The following ERC1 variants were observed in gnomAD, a reference collection of about 807,000 sequenced individuals.
ERC1 encodes the protein RAB6 interacting protein 2.
In ERC1, 56 loss-of-function variants were observed where a neutral mutation model predicts 132.0. The observed-to-expected ratio is 0.42, with a 90% confidence interval of 0.34 to 0.53. The LOEUF is 0.53. Among genes scored for constraint, ERC1 ranks in the 20% least tolerant of loss-of-function variants. The pLI is 0.03. For missense variants in ERC1, 1,202 were observed against 1,349.9 expected, an observed-to-expected ratio of 0.89 and a Z score of 1.72; for synonymous variants, 478 against 476.1, an observed-to-expected ratio of 1.00 and a Z score of -0.05.
chr12:1,412,299 G>T lies in ERC1; in HGVS notation c.3024+4052G>T, dbSNP rs188871438. 2.2e-3 allele frequency among the ~76,000 whole-genome samples: 340 copies of T among 152,270 alleles called. 1 individual carries two copies. Among genetic ancestry groups the T allele is most frequent in the Non-Finnish European group, 3.6e-3 (245 of 68,020 alleles). ...GATTTACCTTATCAAACTTAAAAAC[G>T]TGTGTTTTGCATCTGAAACATTTTC... is the stretch of plus-strand genomic sequence containing the variant. On this transcript the variant is annotated intron_variant, in intron 17 of 18. Coordinates refer to ENST00000360905, the MANE Select transcript of ERC1 (RefSeq NM_178040.4).
intron 17 of ERC1, among the ~76,000 whole-genome samples, chr12:1,411,538 T>A (rs2091851514): frequency 1.3e-5 from 2 of 152,118 alleles, no homozygotes; most frequent in Admixed American, 1.3e-4. Context: ...TGAATGAAGT[T>A]GAAACGCACT....
chr12:1,302,250 A>G (rs1168490399), intron 15 of ERC1, among the ~76,000 whole-genome samples: 2 of 152,238 alleles, frequency 1.3e-5, no homozygotes, highest in Non-Finnish European at 2.9e-5. Context: ...GAAAAAAATC[A>G]TTTAGTCACC....
At chr12:1,146,308 G>GTTTTTGT (rs1950341166) in intron 8 of ERC1, among the ~76,000 whole-genome samples, 1 of 31,812 alleles carries the variant, frequency 3.1e-5, no homozygotes, top group Non-Finnish European at 6.1e-5. Context: ...TATTTTACTG[G>GTTTTTGT]TTTTTTTTTT....
intron 15 of ERC1, among the ~76,000 whole-genome samples, chr12:1,337,442 C>T (rs963766790): frequency 6.6e-6 from 1 of 151,732 alleles, no homozygotes; most frequent in African/African-American, 2.4e-5. Flanking sequence ...TCATTGCATA[C>T]GAAATGGGCC....
chr12:1,233,712 C>T (rs2075223565), intron 12 of ERC1, among the ~76,000 whole-genome samples: 1 of 151,850 alleles, frequency 6.6e-6, no homozygotes. Flanking sequence ...GAATGTGAGT[C>T]GTTGTATGGA....
chr12:1,396,790 G>A (rs1338293518), intron 16 of ERC1, among the ~76,000 whole-genome samples: 2 of 152,182 alleles, frequency 1.3e-5, no homozygotes, highest in Non-Finnish European at 2.9e-5. Context: ...TACAGAGAAT[G>A]GAGGTGAGGC....
At chr12:1,425,568 A>G (rs1257634984) in intron 17 of ERC1, among the ~76,000 whole-genome samples, 1 of 152,204 alleles carries the variant, frequency 6.6e-6, no homozygotes, top group Non-Finnish European at 1.5e-5. Flanking sequence ...CCTGTGAACA[A>G]AGGTCTCACG....
In ERC1 at chr12:1,333,851, C is replaced by G. The variant is rs1360935142; in HGVS notation, c.2781-37982C>G. ...CATGCTGTCTTCCACAATGGTTGAA[C>G]TAATTTACACTCCCGCCAACAATGT... On this transcript the variant is annotated intron_variant, in intron 15 of 18. Transcript: ENST00000360905. Among the ~76,000 whole-genome samples, 3 of 152,190 alleles carry G rather than the reference C, an allele frequency of 2.0e-5. No homozygotes were observed. In the East Asian group the frequency reaches 5.8e-4, roughly 29 times the overall value.
At chr12:1,241,914 A>G (rs985603646) in intron 13 of ERC1, among the ~76,000 whole-genome samples, 1 of 124,444 alleles carries the variant, frequency 8.0e-6, no homozygotes, top group African/African-American at 3.2e-5. Context: ...GCTGGAGTGC[A>G]GTGGTGTGAT....
chr12:1,076,499 A>G (rs995739899), intron 2 of ERC1, among the ~76,000 whole-genome samples: 7 of 151,574 alleles, frequency 4.6e-5, no homozygotes, highest in Non-Finnish European at 7.4e-5. Context: ...GGTTCTAGCA[A>G]TTCTCCTGCC....
chr12:1,329,032 G>A lies in ERC1; in HGVS notation c.2780+39020G>A, dbSNP rs572766287. Among the ~76,000 whole-genome samples the A allele has an allele frequency of 9.2e-5, 13 of 141,438 alleles. 1 individual carries two copies. The highest frequency in any genetic ancestry group is 1.8e-4 in the Non-Finnish European group (12 of 65,874). The allele number at this position is 141,438 out of a possible 152,430, so 92.8% of individuals were successfully genotyped here. On this transcript the variant is annotated intron_variant, in intron 15 of 18. Transcript: ENST00000360905. ...TTAGCGACCAGGCACGGTGGCTCAC[G>A]CCTGTAATCCCAGCACTTTGGGAGG...
At chr12:1,307,079 C>A (rs1446887809) in intron 15 of ERC1, among the ~76,000 whole-genome samples, 5 of 152,098 alleles carry the variant, frequency 3.3e-5, no homozygotes, top group African/African-American at 9.7e-5. Flanking sequence ...TCTCTTTGAT[C>A]GCTAAGAAGA....
At chr12:1,278,550 C>T (rs980072245) in intron 14 of ERC1, among the ~76,000 whole-genome samples, 10 of 152,096 alleles carry the variant, frequency 6.6e-5, no homozygotes, top group African/African-American at 1.7e-4. Context: ...TCCATTTCTT[C>T]GTGTAATTTT....
intron 8 of ERC1, among the ~76,000 whole-genome samples, chr12:1,173,849 T>G (rs545407968): frequency 1.3e-5 from 2 of 152,216 alleles, no homozygotes; most frequent in Non-Finnish European, 2.9e-5. Context: ...ATGGGAGCCT[T>G]CAGTGGGGCT....
chr12:1,045,747 GA>G (rs1310976785), intron 2 of ERC1, among the ~76,000 whole-genome samples: 1 of 152,034 alleles, frequency 6.6e-6, no homozygotes, highest in Non-Finnish European at 1.5e-5. Flanking sequence ...AATATTTATT[GA>G]AAAATTAATA....
chr12:1,313,885 G>T (rs2081500075), intron 15 of ERC1, among the ~76,000 whole-genome samples: 1 of 152,150 alleles, frequency 6.6e-6, no homozygotes, highest in African/African-American at 2.4e-5. Flanking sequence ...TCGGGAGGCT[G>T]AGGCAGGAGA....
At chr12:1,279,346 C>T (rs570926227) in intron 14 of ERC1, among the ~76,000 whole-genome samples, 1 of 152,244 alleles carries the variant, frequency 6.6e-6, no homozygotes, top group African/African-American at 2.4e-5. Flanking sequence ...AGTAGTCGCT[C>T]TTCAAGTAAT....
At chr12:1,287,846 C>G (rs893265524) in intron 14 of ERC1, among the ~76,000 whole-genome samples, 1 of 152,202 alleles carries the variant, frequency 6.6e-6, no homozygotes, top group African/African-American at 2.4e-5. Context: ...TTTATTTACA[C>G]ATATACACTC....
chr12:1,405,146 TATA>T (rs1385278232), intron 16 of ERC1, among the ~76,000 whole-genome samples: 3 of 142,202 alleles, frequency 2.1e-5, no homozygotes, highest in African/African-American at 7.9e-5. Context: ...GCTCAAAAAA[TATA>T]AATAAATAAA....
Sources: allele counts gnomAD v4.1 joint callset (sites outside exome capture counted in the v4.1 genomes callset), GRCh38; gene constraint gnomAD v4.1.1; transcripts MANE v1.5; gene names NCBI Gene and HGNC (gene_info 2026-07-23, HGNC 2026-07-21).